Variants in ADISSP observed in about 807,000 individuals in gnomAD.
ADISSP encodes adipose-secreted signaling protein.
the ADISSP span, chr20:3,759,953 G>A: frequency 6.2e-5 from 89 of 1,425,278 alleles, no homozygotes; most frequent in Middle Eastern, 3.5e-4. The surrounding 1 kb of genome is among the most constrained non-coding windows in gnomAD (Gnocchi z 4.6). Flanking sequence ...TCGCACACCA[G>A]CACACACGCA....
At chr20:3,760,058 C>T in the ADISSP span, 1 of 1,610,642 alleles carries the variant, frequency 6.2e-7, no homozygotes, top group Non-Finnish European at 8.5e-7. Flanking sequence ...TGTGCAAGTC[C>T]TACCACGCCA....
At chr20:3,754,666 C>T in the ADISSP span, 1 of 798,666 alleles carries the variant, frequency 1.3e-6, no homozygotes, top group African/African-American at 1.7e-5. Context: ...TTCTGGAGCC[C>T]AGAGACCCAT....
the ADISSP span, chr20:3,754,564 C>A: frequency 6.3e-7 from 1 of 1,591,762 alleles, no homozygotes. Flanking sequence ...CCCCAGCCTC[C>A]CCGATCCTGC....
the ADISSP span, chr20:3,758,587 A>C: frequency 1.2e-6 from 2 of 1,614,074 alleles, no homozygotes; most frequent in Non-Finnish European, 1.7e-6. This position sits in a 1 kb window ranked among gnomAD's most constrained non-coding sequence, Gnocchi z 5.5. Context: ...CCACCGAGTC[A>C]TGCAGCTTCT....
the ADISSP span, chr20:3,754,626 G>GC: frequency 4.6e-5 from 54 of 1,179,680 alleles, no homozygotes; most frequent in Middle Eastern, 8.0e-4. Context: ...TGCATGCTAA[G>GC]CCCCCCCAAG....
At chr20:3,761,766 C>A in the ADISSP span, among the ~76,000 whole-genome samples, 1 of 152,200 alleles carries the variant, frequency 6.6e-6, no homozygotes, top group African/African-American at 2.4e-5. Context: ...TGAAGTAAGG[C>A]AGCCCAAAGT....
chr20:3,761,153 A>G, the ADISSP span, among the ~76,000 whole-genome samples: 107,358 of 152,110 alleles, frequency 0.71, 38,903 homozygotes, highest in African/African-American at 0.87. Context: ...CTTCTTTCGG[A>G]AAGAATTCTT....
chr20:3,756,044 C>T, the ADISSP span, among the ~76,000 whole-genome samples: 1 of 152,216 alleles, frequency 6.6e-6, no homozygotes, highest in South Asian at 2.1e-4. Context: ...GGGTCATTCA[C>T]CTGTCCCCAT....
At chr20:3,757,012 A>G in the ADISSP span, among the ~76,000 whole-genome samples, 2 of 151,312 alleles carry the variant, frequency 1.3e-5, no homozygotes, top group Admixed American at 6.6e-5. Flanking sequence ...ATCCATCACC[A>G]TAGTGTTTTC....
the ADISSP span, chr20:3,754,344 C>G: frequency 6.3e-7 from 1 of 1,594,018 alleles, no homozygotes; most frequent in Non-Finnish European, 8.6e-7. Flanking sequence ...GACAGAAACC[C>G]TCGCAGTCGA....
the ADISSP span, chr20:3,754,185 C>A: frequency 6.3e-7 from 1 of 1,596,866 alleles, no homozygotes; most frequent in South Asian, 1.1e-5. Flanking sequence ...AAGTCAGTGC[C>A]ATGCTGGCCC....
At chr20:3,759,920 C>T in the ADISSP span, 1 of 1,243,394 alleles carries the variant, frequency 8.0e-7, no homozygotes, top group East Asian at 2.3e-5. This position sits in a 1 kb window ranked among gnomAD's most constrained non-coding sequence, Gnocchi z 4.6. Flanking sequence ...CTGGCACAAA[C>T]ACTGACATAG....
the ADISSP span, among the ~76,000 whole-genome samples, chr20:3,756,374 C>A: frequency 6.6e-6 from 1 of 152,222 alleles, no homozygotes; most frequent in African/African-American, 2.4e-5. Flanking sequence ...AAATGCCATT[C>A]TTGGAAACTC....
At chr20:3,761,152 G>A in the ADISSP span, among the ~76,000 whole-genome samples, 1 of 152,094 alleles carries the variant, frequency 6.6e-6, no homozygotes, top group African/African-American at 2.4e-5. Flanking sequence ...TCTTCTTTCG[G>A]AAAGAATTCT....
the ADISSP span, chr20:3,753,606 C>T: frequency 5.1e-6 from 1 of 197,332 alleles, no homozygotes. Context: ...CTGGGGACTG[C>T]ACCTCCCTCC....
the ADISSP span, chr20:3,768,100 A>T: frequency 6.6e-6 from 1 of 151,590 alleles, no homozygotes; most frequent in Non-Finnish European, 1.5e-5. Flanking sequence ...CTTAGGACGC[A>T]CCTCCCTTGG....
the ADISSP span, chr20:3,753,861 AG>A: frequency 3.3e-6 from 2 of 599,462 alleles, no homozygotes; most frequent in Non-Finnish European, 6.0e-6. Context: ...CACAGAGAGG[AG>A]GAAGTGGGAG....
chr20:3,754,560 C>G, the ADISSP span: 1 of 1,594,174 alleles, frequency 6.3e-7, no homozygotes, highest in South Asian at 1.1e-5. Context: ...CCTCCCCCAG[C>G]CTCCCCGATC....
chr20:3,754,334 G>A, the ADISSP span: 1 of 1,586,138 alleles, frequency 6.3e-7, no homozygotes, highest in Non-Finnish European at 8.6e-7. Context: ...CCCTGAGGAG[G>A]ACAGAAACCC....
Sources: allele counts gnomAD v4.1 joint callset (sites outside exome capture counted in the v4.1 genomes callset), GRCh38; gene constraint gnomAD v4.1.1; non-coding constraint Gnocchi (gnomAD v3.1); transcripts MANE v1.5; gene names NCBI Gene and HGNC (gene_info 2026-07-23, HGNC 2026-07-21).